Variants in SAMHD1 observed in about 807,000 individuals in gnomAD.
SAMHD1 encodes the protein deoxynucleoside triphosphate triphosphohydrolase SAMHD1.
A neutral mutation model predicts 79.6 loss-of-function variants in SAMHD1; 54 were observed. The ratio of observed to expected loss-of-function variants is 0.68; its 90% CI spans 0.55 to 0.85. The LOEUF (loss-of-function observed/expected upper bound fraction) is 0.85. Ranked by LOEUF, SAMHD1 falls within the 40% of genes least tolerant of loss-of-function variation. The pLI is 0.00. For synonymous variants in SAMHD1, 260 were observed against 264.1 expected (o/e 0.98, Z 0.15); for missense variants, 663 against 782.7 (o/e 0.85, Z 1.82).
rs372746139 is a variant in SAMHD1, at chr20:36,935,207, A to G, written c.349-18T>C. The G allele has an allele frequency of 3.5e-5, 56 of 1,599,936 alleles. No homozygotes were observed. The highest frequency in any genetic ancestry group is 4.6e-5 in the Non-Finnish European group (54 of 1,167,384). On this transcript the variant is annotated intron_variant, in intron 3 of 15. Coordinates refer to ENST00000646673, the MANE Select transcript of SAMHD1 (RefSeq NM_015474.4). ...TTAATTACCTAGAAAATTATGTTTA[A>G]TTAATACAAATAACGACATGTAAGT... is the stretch of plus-strand genomic sequence containing the variant.
chr20:36,945,819 G>A (rs921431941), intron 2 of SAMHD1, among the ~76,000 whole-genome samples: 86 of 152,130 alleles, frequency 5.7e-4, no homozygotes, highest in African/African-American at 1.9e-3. Flanking sequence ...GCTGAGGCAG[G>A]AGAATGGCTT....
intron 4 of SAMHD1, 170 bp from the exon 5 acceptor site, chr20:36,931,045 A>G: frequency 1.5e-6 from 1 of 650,554 alleles, no homozygotes; most frequent in Non-Finnish European, 2.8e-6. Context: ...CGGAATCCCA[A>G]AAGCAGGACC....
chr20:36,939,303 A>T (rs142058350), intron 3 of SAMHD1, among the ~76,000 whole-genome samples: 2 of 148,932 alleles, frequency 1.3e-5, no homozygotes, highest in African/African-American at 4.9e-5. Context: ...AAAGAAAATA[A>T]CCGGGTAGGC....
rs771698070 is a variant in SAMHD1, at chr20:36,947,405, GGTGTGTGTGTGTGTGTGTGT to G, written c.209-621_209-602del. Among the ~76,000 whole-genome samples the G allele has an allele frequency of 2.4e-4, 7 of 29,130 alleles. 1 individual carries two copies. Among genetic ancestry groups the G allele is most frequent in the African/African-American group, 1.2e-3 (5 of 4,134 alleles). The allele number at this position is 29,130 out of a possible 152,430, so 19.1% of individuals were successfully genotyped here. A position where few individuals can be genotyped will look rare whatever the true frequency, so the allele number is the denominator to read the frequency against. ...GAAGAGGTGTGTGTGATTTGGAAGA[GGTGTGTGTGTGTGTGTGTGT>G]GTGTGTGTGTGTGTGTCCTGGGAAA... On this transcript the variant is annotated intron_variant, in intron 1 of 15. Transcript: ENST00000646673.
At chr20:36,905,947 T>A (rs1311282441) in intron 11 of SAMHD1, among the ~76,000 whole-genome samples, 1 of 150,724 alleles carries the variant, frequency 6.6e-6, no homozygotes, top group Non-Finnish European at 1.5e-5. Context: ...CACTCAAGCC[T>A]GGGCAACAAG....
intron 10 of SAMHD1, chr20:36,911,568 C>T (rs1004948821): frequency 2.1e-6 from 1 of 478,582 alleles, no homozygotes; most frequent in Non-Finnish European, 3.8e-6. Flanking sequence ...TTATTCCTCC[C>T]AACAATAAGG....
intron 4 of SAMHD1, among the ~76,000 whole-genome samples, chr20:36,931,394 G>A (rs988818694): frequency 1.3e-5 from 2 of 152,190 alleles, no homozygotes; most frequent in Admixed American, 6.6e-5. Flanking sequence ...CCAGCACTTT[G>A]GGAGGCTGAG....
At chr20:36,917,523 T>A (rs1935920) in intron 7 of SAMHD1, among the ~76,000 whole-genome samples, 5 of 151,964 alleles carry the variant, frequency 3.3e-5, no homozygotes, top group Non-Finnish European at 7.4e-5. Flanking sequence ...TGGTAGCAAG[T>A]GCCTGTACTC....
chr20:36,932,064 G>A lies in SAMHD1; in HGVS notation c.510-1189C>T, dbSNP rs558322661. 4.6e-5 allele frequency among the ~76,000 whole-genome samples: 7 copies of A among 152,212 alleles called. No homozygotes were observed. In the East Asian group the frequency reaches 1.4e-3, roughly 30 times the overall value. On this transcript the variant is annotated intron_variant, in intron 4 of 15. Transcript: ENST00000646673. ...GGAGGCTGAGGTGGGCAGATCACCT[G>A]AGGTCGGGAGTTCAAGAACAGCCTG... is the stretch of plus-strand genomic sequence containing the variant.
chr20:36,916,583 G>A (rs954159703), intron 9 of SAMHD1, 139 bp downstream of exon 9: 3 of 755,128 alleles, frequency 4.0e-6, no homozygotes, highest in Non-Finnish European at 7.3e-6. Context: ...GAAGGGAAGA[G>A]ACTAAAGATA....
At chr20:36,896,132 C>T (rs1397718619) in intron 15 of SAMHD1, among the ~76,000 whole-genome samples, 3 of 151,762 alleles carry the variant, frequency 2.0e-5, no homozygotes, top group Non-Finnish European at 4.4e-5. Flanking sequence ...AGTGCAGTCG[C>T]CGGCTAATTT....
chr20:36,919,662 G>T, intron 6 of SAMHD1, 143 bp from the exon 7 acceptor site: 1 of 781,568 alleles, frequency 1.3e-6, no homozygotes, highest in South Asian at 1.7e-5. Context: ...CACAATCTTA[G>T]GAACATTTTT....
At chr20:36,914,433 C>A (rs1216923680) in intron 9 of SAMHD1, among the ~76,000 whole-genome samples, 2 of 152,024 alleles carry the variant, frequency 1.3e-5, no homozygotes, top group African/African-American at 4.8e-5. Flanking sequence ...TTACCACAGC[C>A]TCCGCCTCCC....
chr20:36,918,176 C>A, intron 7 of SAMHD1, among the ~76,000 whole-genome samples: 1 of 151,846 alleles, frequency 6.6e-6, no homozygotes, highest in South Asian at 2.1e-4. Flanking sequence ...ATCTCAAACT[C>A]CTGGGCTCAA....
chr20:36,912,134 T>C (rs544126065), intron 10 of SAMHD1: 1 of 306,438 alleles, frequency 3.3e-6, no homozygotes, highest in African/African-American at 2.1e-5. Flanking sequence ...CCCATTCTCC[T>C]GATGAGAATG....
intron 4 of SAMHD1, among the ~76,000 whole-genome samples, chr20:36,934,481 C>CCACTGCA (rs2063587897): frequency 8.1e-6 from 1 of 123,298 alleles, no homozygotes; most frequent in Non-Finnish European, 1.6e-5. Flanking sequence ...CAAGATTACG[C>CCACTGCA]CACTGCACTC....
chr20:36,923,670 C>T (rs966024015), intron 6 of SAMHD1, among the ~76,000 whole-genome samples: 1 of 151,948 alleles, frequency 6.6e-6, no homozygotes. Context: ...AAATAAATAC[C>T]CAGGTGTGAC....
intron 13 of SAMHD1, among the ~76,000 whole-genome samples, chr20:36,900,048 C>T (rs927303950): frequency 4.7e-5 from 7 of 148,006 alleles, no homozygotes; most frequent in African/African-American, 1.2e-4. Context: ...GAGCCGAGAT[C>T]GTGCCACCGT....
chr20:36,925,082 G>A (rs999982506), intron 6 of SAMHD1, among the ~76,000 whole-genome samples: 1 of 151,486 alleles, frequency 6.6e-6, no homozygotes, highest in African/African-American at 2.4e-5. Flanking sequence ...CTTGAACCCA[G>A]GAGGTGGAGG....
Sources: allele counts gnomAD v4.1 joint callset (sites outside exome capture counted in the v4.1 genomes callset), GRCh38; gene constraint gnomAD v4.1.1; transcripts MANE v1.5; gene names NCBI Gene and HGNC (gene_info 2026-07-23, HGNC 2026-07-21).